SGCG: variants seen among roughly 807,000 people sequenced by gnomAD.
The protein encoded by SGCG is gamma-sarcoglycan.
In SGCG, 26 loss-of-function variants were observed where a neutral mutation model predicts 29.3. The ratio of observed to expected loss-of-function variants is 0.89; its 90% CI spans 0.65 to 1.23. The LOEUF (loss-of-function observed/expected upper bound fraction) is 1.23. Among genes scored for constraint, SGCG ranks in the 50% most tolerant of loss-of-function variants. The pLI is 0.00. For synonymous variants in SGCG, 145 were observed against 129.7 expected (o/e 1.12, Z -0.80); for missense variants, 353 against 356.0 (o/e 0.99, Z 0.07).
chr13:23,247,485 A>G (rs1357920653), intron 3 of SGCG, among the ~76,000 whole-genome samples: 1 of 152,156 alleles, frequency 6.6e-6, no homozygotes, highest in Admixed American at 6.5e-5. Context: ...AGAGTTTGAT[A>G]GAATACAAAG....
chr13:23,171,895 G>C, the SGCG span, among the ~76,000 whole-genome samples: 1 of 152,176 alleles, frequency 6.6e-6, no homozygotes, highest in African/African-American at 2.4e-5. Flanking sequence ...TTCATGGCCT[G>C]GGGGTTGGGA....
intron 5 of SGCG, among the ~76,000 whole-genome samples, chr13:23,293,647 A>G (rs1418739897): frequency 2.0e-5 from 3 of 152,142 alleles, no homozygotes; most frequent in East Asian, 1.9e-4. Flanking sequence ...ACTGGCCAAC[A>G]TGTTGAAACC....
intron 1 of SGCG, among the ~76,000 whole-genome samples, chr13:23,184,238 G>A (rs8002237): frequency 2.0e-5 from 3 of 152,120 alleles, no homozygotes; most frequent in African/African-American, 4.8e-5. Context: ...ATTTCTTTAC[G>A]CATTTAGAAG....
chr13:23,315,182 T>C (rs1036457371), intron 6 of SGCG, among the ~76,000 whole-genome samples: 18 of 152,186 alleles, frequency 1.2e-4, no homozygotes, highest in African/African-American at 4.3e-4. Context: ...ACTGTCCTTT[T>C]GAGAGACAAC....
chr13:23,269,420 T>G (rs892854583), intron 4 of SGCG, among the ~76,000 whole-genome samples: 2 of 152,140 alleles, frequency 1.3e-5, no homozygotes, highest in African/African-American at 2.4e-5. Flanking sequence ...CAAAAAGATA[T>G]AGTCAAGAAA....
chr13:23,320,851 G>T, intron 7 of SGCG, 91 bp downstream of exon 7: 1 of 1,337,882 alleles, frequency 7.5e-7, no homozygotes, highest in Non-Finnish European at 1.1e-6. Context: ...TAAATTTCTA[G>T]TAGTTTGTAG....
intron 1 of SGCG, among the ~76,000 whole-genome samples, chr13:23,201,958 G>C (rs1196528997): frequency 1.3e-5 from 2 of 152,170 alleles, no homozygotes; most frequent in Non-Finnish European, 2.9e-5. Context: ...AAGAGGTTGA[G>C]AGTGACTGCG....
chr13:23,242,957 A>C (rs774051060), intron 3 of SGCG, among the ~76,000 whole-genome samples: 4 of 152,226 alleles, frequency 2.6e-5, no homozygotes, highest in Non-Finnish European at 5.9e-5. Flanking sequence ...AAGTCTCTGG[A>C]CTTCACAAAA....
chr13:23,248,642 C>T (rs1879823644), intron 3 of SGCG, among the ~76,000 whole-genome samples: 1 of 142,380 alleles, frequency 7.0e-6, no homozygotes, highest in African/African-American at 2.5e-5. Flanking sequence ...TCCGGCGAGC[C>T]CAGATGGCGC....
At chr13:23,258,220 C>T (rs572928916) in intron 4 of SGCG, among the ~76,000 whole-genome samples, 5 of 152,182 alleles carry the variant, frequency 3.3e-5, no homozygotes, top group East Asian at 3.9e-4. Flanking sequence ...TCTTTTATTT[C>T]GTTGAGCAGT....
At chr13:23,292,978 C>A (rs1195201770) in intron 5 of SGCG, among the ~76,000 whole-genome samples, 2 of 152,132 alleles carry the variant, frequency 1.3e-5, no homozygotes, top group Non-Finnish European at 2.9e-5. Flanking sequence ...GAATACATAT[C>A]ATTATACAAA....
At chr13:23,306,547 T>C (rs1882367517) in intron 6 of SGCG, among the ~76,000 whole-genome samples, 3 of 152,208 alleles carry the variant, frequency 2.0e-5, no homozygotes, top group African/African-American at 7.2e-5. Context: ...ATACAGCTCA[T>C]TGATAAAAAT....
intron 6 of SGCG, among the ~76,000 whole-genome samples, chr13:23,304,849 G>C (rs11617553): frequency 6.6e-6 from 1 of 152,110 alleles, no homozygotes; most frequent in South Asian, 2.1e-4. Context: ...GGCTGGTCTC[G>C]ATCTCCTGGC....
chr13:23,290,220 A>C (rs1426315374), intron 5 of SGCG, among the ~76,000 whole-genome samples: 1 of 152,216 alleles, frequency 6.6e-6, no homozygotes, highest in Non-Finnish European at 1.5e-5. Context: ...AATTGAAGAT[A>C]ATCTGGGAAA....
At chr13:23,302,648 T>G (rs1283460511) in intron 6 of SGCG, among the ~76,000 whole-genome samples, 1 of 134,952 alleles carries the variant, frequency 7.4e-6, no homozygotes, top group Non-Finnish European at 1.6e-5. Flanking sequence ...TTATTACATA[T>G]CAATTAAAAA....
intron 1 of SGCG, 59 bp from the exon 2 acceptor site, chr13:23,203,636 C>T (rs1377518403): frequency 7.8e-7 from 1 of 1,278,102 alleles, no homozygotes; most frequent in African/African-American, 1.5e-5. Flanking sequence ...AAACAAGTTG[C>T]CTCCCTCATT....
chr13:23,208,672 CT>C (rs1878074289), intron 2 of SGCG, among the ~76,000 whole-genome samples: 1 of 152,076 alleles, frequency 6.6e-6, no homozygotes, highest in Admixed American at 6.5e-5. Flanking sequence ...GGAAAGACAT[CT>C]GTTGAATATA....
intron 4 of SGCG, among the ~76,000 whole-genome samples, chr13:23,271,425 G>C (rs12427784): frequency 6.6e-6 from 1 of 151,642 alleles, no homozygotes; most frequent in African/African-American, 2.4e-5. Context: ...AAAAAAAATT[G>C]CAAATTAATC....
intron 3 of SGCG, among the ~76,000 whole-genome samples, chr13:23,239,182 A>C (rs1879416805): frequency 6.6e-6 from 1 of 152,188 alleles, no homozygotes; most frequent in African/African-American, 2.4e-5. Flanking sequence ...AAATTGCTTA[A>C]AAACAAGAGA....
Sources: allele counts gnomAD v4.1 joint callset (sites outside exome capture counted in the v4.1 genomes callset), GRCh38; gene constraint gnomAD v4.1.1; transcripts MANE v1.5; gene names NCBI Gene and HGNC (gene_info 2026-07-23, HGNC 2026-07-21).